Variants in ZMYM1 observed in about 807,000 individuals in gnomAD.
ZMYM1 encodes the protein zinc finger MYM-type containing 1, also known as zinc finger MYM-type protein 1.
In ZMYM1, 39 loss-of-function variants were observed where a neutral mutation model predicts 60.0. The ratio of observed to expected loss-of-function variants is 0.65; its 90% CI spans 0.50 to 0.85. The LOEUF is 0.85. ZMYM1 is among the 40% of genes least tolerant of loss of function. The probability of loss-of-function intolerance (pLI) is 0.00; values close to 1 mark genes in which losing one functional copy is unlikely to be tolerated. For missense variants in ZMYM1, 1,171 were observed against 1,309.5 expected (o/e 0.89, Z 1.63); for synonymous variants, 413 against 454.0 (o/e 0.91, Z 1.15).
Position 35,114,113 on chromosome 1 carries a change from A to G in ZMYM1, c.2283A>G (p.Val761=), listed in dbSNP as rs769537000. 3.7e-6 allele frequency: 6 copies of G among 1,612,910 alleles called. No homozygotes were observed. Among genetic ancestry groups the G allele is most frequent in the South Asian group, 3.3e-5 (3 of 90,716 alleles). ...DLSIIRFCKE[V]KELRSALKTL... ...CAATAATTAGGTTTTGTAAAGAAGTAAAAGAACTCCGAAGTGCTCTAAAAA... is the reference window on the plus strand; with the variant it reads ...CAATAATTAGGTTTTGTAAAGAAGTGAAAGAACTCCGAAGTGCTCTAAAAA... Residue 761 remains valine, a synonymous_variant, in exon 10 of 10, where the codon GTA becomes GTG. Coordinates refer to ENST00000359858, the MANE Select transcript of ZMYM1 (RefSeq NM_024772.5).
intron 1 of ZMYM1, among the ~76,000 whole-genome samples, chr1:35,091,079 CA>C (rs60650646): frequency 0.88 from 133,565 of 151,964 alleles, 58,934 homozygotes; most frequent in Non-Finnish European, 0.93. Context: ...TGCTATTTAC[CA>C]AAAAAAAGGA....
chr1:35,114,543 A>T lies in ZMYM1; in HGVS notation c.2713A>T (p.Asn905Tyr). The T allele has an allele frequency of 6.2e-7, 1 of 1,610,766 alleles. No homozygotes were observed. The highest frequency in any genetic ancestry group is 8.5e-7 in the Non-Finnish European group (1 of 1,178,550). Residue 905 changes from asparagine to tyrosine, a missense_variant, in exon 10 of 10, where the codon AAT becomes TAT. Coordinates refer to ENST00000359858, the MANE Select transcript of ZMYM1 (RefSeq NM_024772.5). ...AILECLSSER[N>Y]DVYFKTIWDG... is the part of the protein sequence containing the mutation. ...TTTGGAATGTTTATCATCTGAAAGA[A>T]ATGACGTATACTTTAAAACAATCTG...
chr1:35,096,581 T>C (rs1643339443), intron 3 of ZMYM1, among the ~76,000 whole-genome samples: 1 of 151,258 alleles, frequency 6.6e-6, no homozygotes, highest in Non-Finnish European at 1.5e-5. Context: ...TTGCCCAGGC[T>C]GGAGTGCAAT....
Position 35,114,955 on chromosome 1 carries a change from A to T in ZMYM1, c.3125A>T (p.Asp1042Val). 6.2e-7 allele frequency: 1 copy of T among 1,614,050 alleles called. No homozygotes were observed. Among genetic ancestry groups the T allele is most frequent in the South Asian group, 1.1e-5 (1 of 91,072 alleles). ...HYAKLNFVID[D>V]SCINFVSLGC... is the part of the protein sequence containing the mutation. ...GCAAAGCTTAACTTTGTCATAGATG[A>T]TAGTTGCATAAACTTCGTCAGTCTC... Residue 1042 changes from aspartate (D) to valine (V), a missense_variant, in exon 10 of 10, where the codon GAT (aspartate) becomes GTT (valine). Physicochemically the swap from Asp to Val is radical, Grantham distance 152 (BLOSUM62 -3). Coordinates refer to ENST00000359858, the MANE Select transcript of ZMYM1 (RefSeq NM_024772.5).
rs570703509 is a variant in ZMYM1 at position 35,089,369 on chromosome 1, T to C, written c.-74-4545T>C. 4.9e-4 allele frequency among the ~76,000 whole-genome samples: 75 copies of C among 152,326 alleles called. 1 individual carries two copies. In the South Asian group the frequency reaches 0.014, roughly 29 times the overall value. On this transcript the variant is annotated intron_variant, in intron 1 of 9. Coordinates refer to ENST00000359858, the MANE Select transcript of ZMYM1 (RefSeq NM_024772.5). ...AGTTAATTTTTAGTGAGTTTTGCTT[T>C]ACTGTTTGTGTATAATGCTCAAATG...
chr1:35,082,211 C>T (rs1003052496), intron 1 of ZMYM1, among the ~76,000 whole-genome samples: 9 of 146,810 alleles, frequency 6.1e-5, no homozygotes, highest in Non-Finnish European at 1.3e-4. Flanking sequence ...CTTGTATTAT[C>T]CTATAATTCT....
At chr1:35,109,350 A>G (rs1004116256) in intron 6 of ZMYM1, among the ~76,000 whole-genome samples, 1 of 152,174 alleles carries the variant, frequency 6.6e-6, no homozygotes, top group Non-Finnish European at 1.5e-5. Context: ...TCTGAAATCC[A>G]GGAATATTGG....
At chr1:35,107,730 T>TA (rs201946261) in intron 6 of ZMYM1, among the ~76,000 whole-genome samples, 2,485 of 152,310 alleles carry the variant, frequency 0.016, 76 homozygotes, top group African/African-American at 0.056. Flanking sequence ...TTATTAGATG[T>TA]AATTGTAATT....
chr1:35,088,887 C>T (rs1642833726), intron 1 of ZMYM1, among the ~76,000 whole-genome samples: 1 of 148,008 alleles, frequency 6.8e-6, no homozygotes, highest in Non-Finnish European at 1.5e-5. Context: ...TCTCGGCTCA[C>T]TGCAACCTCT....
intron 4 of ZMYM1, among the ~76,000 whole-genome samples, chr1:35,100,182 C>T (rs555282834): frequency 2.6e-3 from 403 of 152,252 alleles, no homozygotes; most frequent in African/African-American, 3.5e-3. Context: ...TGAGCCACCA[C>T]GCCCTGCCTG....
chr1:35,082,259 G>A (rs1282071446), intron 1 of ZMYM1, among the ~76,000 whole-genome samples: 1 of 144,306 alleles, frequency 6.9e-6, no homozygotes, highest in African/African-American at 2.6e-5. Flanking sequence ...TTTTGCGGGG[G>A]GTGAGTTGGG....
At chr1:35,108,023 T>C (rs1384522146) in intron 6 of ZMYM1, among the ~76,000 whole-genome samples, 1 of 151,848 alleles carries the variant, frequency 6.6e-6, no homozygotes, top group Non-Finnish European at 1.5e-5. Context: ...GGCAGGAGAA[T>C]TGCTTGAACC....
chr1:35,085,031 C>T (rs114558643), intron 1 of ZMYM1, among the ~76,000 whole-genome samples: 3 of 151,626 alleles, frequency 2.0e-5, no homozygotes, highest in Non-Finnish European at 4.4e-5. Flanking sequence ...TGGATTTATC[C>T]GTTTTTTGTT....
At chr1:35,083,678 C>T (rs979073652) in intron 1 of ZMYM1, among the ~76,000 whole-genome samples, 5 of 151,922 alleles carry the variant, frequency 3.3e-5, no homozygotes, top group African/African-American at 1.2e-4. Context: ...TGCAGTGGTG[C>T]GATCATAGCT....
intron 1 of ZMYM1, among the ~76,000 whole-genome samples, chr1:35,061,969 A>G (rs1641885740): frequency 1.3e-5 from 2 of 151,426 alleles, no homozygotes; most frequent in South Asian, 2.1e-4. Flanking sequence ...AGCTGGGACT[A>G]CAAGCACGCG....
chr1:35,098,314 A>G (rs986242430), intron 4 of ZMYM1, among the ~76,000 whole-genome samples: 2 of 152,192 alleles, frequency 1.3e-5, no homozygotes, highest in Non-Finnish European at 2.9e-5. Context: ...AATCTTTTAA[A>G]AATTTATGTG....
chr1:35,110,427 C>T lies in ZMYM1; in HGVS notation c.941C>T (p.Ala314Val). ...AATTGTTTCTCTGCATACAGTAAAG[C>T]TAAGATGGAATCTTCTTCAGGTAAT... Reference protein sequence around the residue: ...SINCFSAYSKAKMESSSVSVV... With the variant: ...SINCFSAYSKVKMESSSVSVV... Residue 314 changes from alanine (A) to valine (V), a missense_variant, in exon 7 of 10, where the codon GCT (alanine) becomes GTT (valine). Transcript: ENST00000359858. The T allele has an allele frequency of 6.6e-7, 1 of 1,523,906 alleles. No individual in the cohort carries two copies. The highest frequency in any genetic ancestry group is 1.4e-5 in the South Asian group (1 of 73,924). The allele number at this position is 1,523,906 out of a possible 1,614,324, so 94.4% of individuals were successfully genotyped here.
chr1:35,061,820 T>TTTTATTTATTTATTTATTTATTTATTTA (rs200627689), intron 1 of ZMYM1, among the ~76,000 whole-genome samples: 76 of 145,644 alleles, frequency 5.2e-4, no homozygotes, highest in African/African-American at 1.8e-3. Flanking sequence ...TCCCTTTTAT[T>TTTTATTTATTTATTTATTTATTTATTTA]TTTATTTATT....
chr1:35,107,151 G>T (rs1643918199), intron 6 of ZMYM1, among the ~76,000 whole-genome samples: 1 of 148,608 alleles, frequency 6.7e-6, no homozygotes, highest in Non-Finnish European at 1.5e-5. Flanking sequence ...GCGCCTGGCC[G>T]GCCTTGTTCT....
Sources: allele counts gnomAD v4.1 joint callset (sites outside exome capture counted in the v4.1 genomes callset), GRCh38; gene constraint gnomAD v4.1.1; transcripts MANE v1.5; gene names NCBI Gene and HGNC (gene_info 2026-07-23, HGNC 2026-07-21).